Variants in CACNA1C observed in about 807,000 individuals in gnomAD.
The protein encoded by CACNA1C is calcium voltage-gated channel subunit alpha1 C, also known as voltage-dependent L-type calcium channel subunit alpha-1C.
CACNA1C carries 30 observed loss-of-function variants against 229.0 expected under a neutral mutation model. The observed-to-expected ratio is 0.13, with a 90% CI of 0.10 to 0.18. CACNA1C has a LOEUF of 0.18. Among genes scored for constraint, CACNA1C ranks in the 10% least tolerant of loss-of-function variants. The pLI, the probability that CACNA1C is intolerant of heterozygous loss-of-function variation, is 1.00. For missense variants in CACNA1C, 1,658 were observed against 2,845.0 expected (o/e 0.58, Z 9.49); for synonymous variants, 1,114 against 1,132.5 (o/e 0.98, Z 0.33).
chr12:2,583,916 T>C lies in CACNA1C; in HGVS notation c.2225-587T>C, dbSNP rs192301389. Among the ~76,000 whole-genome samples the C allele has an allele frequency of 7.9e-5, 12 of 152,302 alleles. No individual in the cohort carries two copies. The East Asian group carries it at 2.1e-3, about 27-fold the overall frequency. On this transcript the variant is annotated intron_variant, in intron 15 of 46. Coordinates refer to ENST00000399655, the MANE Select transcript of CACNA1C (RefSeq NM_000719.7). ...CACAGACTTAAAGCCCCCTTCCAGC[T>C]ATGCTTTCGTTGATTCTGCAGTTCT...
chr12:2,113,777 C>A (rs1021919788), intron 1 of CACNA1C, among the ~76,000 whole-genome samples: 1 of 152,186 alleles, frequency 6.6e-6, no homozygotes, highest in East Asian at 1.9e-4. Flanking sequence ...CTGAGCTGAT[C>A]GCTTGGCAAA....
intron 1 of CACNA1C, among the ~76,000 whole-genome samples, chr12:2,097,765 GC>G (rs149973071): frequency 6.6e-6 from 1 of 152,308 alleles, no homozygotes; most frequent in African/African-American, 2.4e-5. Flanking sequence ...GTGCTCTCAG[GC>G]CACCTCTGCA....
In CACNA1C at chr12:2,504,942, G is replaced by C; in HGVS notation, c.1214G>C (p.Ser405Thr). The C allele has an allele frequency of 6.6e-7, 1 of 1,517,162 alleles. No individual in the cohort carries two copies. Among genetic ancestry groups the C allele is most frequent in the Non-Finnish European group, 9.2e-7 (1 of 1,091,702 alleles). The allele number at this position is 1,517,162 out of a possible 1,614,324, so 94.0% of individuals were successfully genotyped here. Residue 405 changes from serine to threonine, a missense_variant, in exon 8 of 47, where the codon AGC (serine) becomes ACC (threonine). Physicochemically the swap from Ser to Thr is moderately conservative, Grantham distance 58. Coordinates refer to ENST00000399655, the MANE Select transcript of CACNA1C (RefSeq NM_000719.7). This position sits in a 1 kb window ranked among gnomAD's most constrained non-coding sequence, Gnocchi z 6.8. ...CTTAACTTGGTTCTCGGTGTGCTTA[G>C]CGGGTAAGCAGGACCAAGGAAAAAG... The part of the protein sequence containing the change: ...FVLNLVLGVL[S>T]GEFSKEREKA...
chr12:2,407,652 GATAA>G (rs2154552581), intron 3 of CACNA1C, among the ~76,000 whole-genome samples: 1 of 75,404 alleles, frequency 1.3e-5, no homozygotes, highest in East Asian at 3.4e-4. Flanking sequence ...TAGCCGTCCT[GATAA>G]GTGTGCGGTG....
intron 3 of CACNA1C, among the ~76,000 whole-genome samples, chr12:2,155,445 T>C (rs181634079): frequency 3.3e-5 from 5 of 152,350 alleles, no homozygotes; most frequent in Admixed American, 6.5e-5. Flanking sequence ...TCTTAAGGAC[T>C]TTTTCAGAAT....
chr12:2,010,110 A>G (rs1376809107), intron 1 of CACNA1C, among the ~76,000 whole-genome samples: 1 of 152,216 alleles, frequency 6.6e-6, no homozygotes, highest in East Asian at 1.9e-4. Flanking sequence ...TTTTAATCCA[A>G]TTACCCAATT....
intron 3 of CACNA1C, among the ~76,000 whole-genome samples, chr12:2,414,257 C>T (rs1180451245): frequency 6.6e-6 from 1 of 152,244 alleles, no homozygotes; most frequent in Admixed American, 6.5e-5. Flanking sequence ...CTGTATTCTC[C>T]TCACTCCACT....
In CACNA1C at chr12:2,115,228, C is replaced by A; in HGVS notation, c.54C>A (p.Ser18=). Residue 18 remains serine (S), a synonymous_variant, in exon 2 of 47, where the codon TCC becomes TCA. Coordinates refer to ENST00000399655, the MANE Select transcript of CACNA1C (RefSeq NM_000719.7). ...MYIPEENHQG[S]NYGSPRPAHA... ...TTCTTTTCTCTTTTGCCACAGGTTCCAACTATGGGAGCCCACGCCCCGCCC... is the reference window on the plus strand; with the variant it reads ...TTCTTTTCTCTTTTGCCACAGGTTCAAACTATGGGAGCCCACGCCCCGCCC... The A allele has an allele frequency of 6.4e-7, 1 of 1,560,432 alleles. No individual in the cohort carries two copies. The highest frequency in any genetic ancestry group is 2.3e-5 in the East Asian group (1 of 43,050).
chr12:2,406,427 A>C (rs1000506749), intron 3 of CACNA1C, among the ~76,000 whole-genome samples: 1 of 151,912 alleles, frequency 6.6e-6, no homozygotes, highest in Admixed American at 6.6e-5. Flanking sequence ...AGGCCACCCA[A>C]CTCTGCTCAC....
At chr12:2,527,781 G>T (rs1009871820) in intron 9 of CACNA1C, among the ~76,000 whole-genome samples, 4 of 152,172 alleles carry the variant, frequency 2.6e-5, no homozygotes, top group African/African-American at 9.7e-5. Context: ...CCCCACAGGG[G>T]AGAGCATCTG....
At chr12:2,052,062 G>A (rs1262769752), upstream of CACNA1C, among the ~76,000 whole-genome samples, 1 of 152,202 alleles carries the variant, frequency 6.6e-6, no homozygotes, top group Non-Finnish European at 1.5e-5. Flanking sequence ...CGGTCCTGCA[G>A]GGGGTGCCGT....
chr12:2,326,361 A>G (rs903057086), intron 3 of CACNA1C, among the ~76,000 whole-genome samples: 2 of 152,204 alleles, frequency 1.3e-5, no homozygotes, highest in African/African-American at 4.8e-5. Flanking sequence ...CTTTGATTCA[A>G]TAAGTCTAAA....
At chr12:2,013,247 T>C (rs1262818118) in intron 1 of CACNA1C, among the ~76,000 whole-genome samples, 1 of 152,134 alleles carries the variant, frequency 6.6e-6, no homozygotes, top group African/African-American at 2.4e-5. Flanking sequence ...GACAACTAGA[T>C]AATATAATGC....
chr12:2,610,133 G>A (rs1601979891), intron 27 of CACNA1C, among the ~76,000 whole-genome samples: 1 of 152,102 alleles, frequency 6.6e-6, no homozygotes, highest in Non-Finnish European at 1.5e-5. Context: ...AAACTGAGGA[G>A]AGAAGTACCC....
At chr12:2,338,237 T>G (rs1247466986) in intron 3 of CACNA1C, among the ~76,000 whole-genome samples, 5 of 152,094 alleles carry the variant, frequency 3.3e-5, no homozygotes, top group Non-Finnish European at 7.4e-5. Flanking sequence ...AGGGGCTAAT[T>G]AGCAGCAAAC....
rs201811555 is a variant in CACNA1C at position 2,106,565 on chromosome 12, G to T, written c.50-8659G>T. 2.5e-5 allele frequency among the ~76,000 whole-genome samples: 3 copies of T among 121,830 alleles called. 1 individual carries two copies. The East Asian group carries it at 8.0e-4, about 33-fold the overall frequency. The allele number at this position is 121,830 out of a possible 152,430, so 79.9% of individuals were successfully genotyped here. On this transcript the variant is annotated intron_variant, in intron 1 of 46. Coordinates refer to ENST00000399655, the MANE Select transcript of CACNA1C (RefSeq NM_000719.7). ...CTGGAGAGGGTTTCCACCTCAGCTG[G>T]GCATCCTGAAGCCACTGGGTGCTCA...
intron 3 of CACNA1C, among the ~76,000 whole-genome samples, chr12:2,286,595 C>G (rs1021123377): frequency 6.6e-6 from 1 of 152,114 alleles, no homozygotes; most frequent in Admixed American, 6.5e-5. Flanking sequence ...CATTCGGGGG[C>G]TCTTGTTGAT....
rs549933552 is a variant in CACNA1C, at chr12:2,204,385, C to T, written c.477+83955C>T. Among the ~76,000 whole-genome samples the T allele has an allele frequency of 3.4e-4, 51 of 152,182 alleles. 1 individual carries two copies. The highest frequency in any genetic ancestry group is 1.7e-3 in the South Asian group (8 of 4,808). ...TCAACCATTGTGGAAGTCAGTGTGG[C>T]GATTCCTCAGGGATCTAGACCTAGA... is the stretch of plus-strand genomic sequence containing the variant. On this transcript the variant is annotated intron_variant, in intron 3 of 46. Transcript: ENST00000399655.
chr12:1,988,404 C>A (rs2038409307), intron 1 of CACNA1C, among the ~76,000 whole-genome samples: 1 of 152,136 alleles, frequency 6.6e-6, no homozygotes, highest in Non-Finnish European at 1.5e-5. Flanking sequence ...CTGGCCAAAG[C>A]AATTAGTATA....
Sources: gnomAD v4.1 joint callset for allele counts (sites outside exome capture counted in the v4.1 genomes callset) on GRCh38, gnomAD v4.1.1 for gene constraint, Gnocchi (gnomAD v3.1) non-coding constraint, MANE v1.5 for transcripts, NCBI Gene and HGNC (gene_info 2026-07-23, HGNC 2026-07-21) for gene names.